Variants in MAF observed in about 807,000 individuals in gnomAD.
MAF encodes MAF bZIP transcription factor, also known as transcription factor Maf.
In MAF, 10 loss-of-function variants were observed where a neutral mutation model predicts 22.0. The observed-to-expected ratio is 0.45, with a 90% CI of 0.28 to 0.77. The LOEUF (loss-of-function observed/expected upper bound fraction) is 0.77. Among genes scored for constraint, MAF ranks in the 30% least tolerant of loss-of-function variants. The pLI, the probability that MAF is intolerant of heterozygous loss-of-function variation, is 0.12. For missense variants in MAF, 544 were observed against 548.4 expected (o/e 0.99, Z 0.08); for synonymous variants, 337 against 255.8 (o/e 1.32, Z -3.03).
chr16:79,593,471 G>A (rs1913304814), downstream of MAF, among the ~76,000 whole-genome samples: 1 of 152,170 alleles, frequency 6.6e-6, no homozygotes, highest in African/African-American at 2.4e-5. Flanking sequence ...TCTAGAATTG[G>A]TGTTGCTAAG....
chr16:79,547,639 G>A, the MAF span, among the ~76,000 whole-genome samples: 10 of 152,106 alleles, frequency 6.6e-5, no homozygotes, highest in East Asian at 1.5e-3. Context: ...TGGAATTGAT[G>A]TAACCCAATT....
chr16:79,386,197 C>T, the MAF span, among the ~76,000 whole-genome samples: 3 of 152,224 alleles, frequency 2.0e-5, no homozygotes, highest in Non-Finnish European at 2.9e-5. Context: ...ATTTATTGTG[C>T]ACTTTATTTC....
the MAF span, among the ~76,000 whole-genome samples, chr16:79,417,387 T>C: frequency 3.9e-5 from 6 of 152,340 alleles, no homozygotes; most frequent in East Asian, 1.2e-3. Context: ...AAAGAACTCC[T>C]GGCAGTATCT....
the MAF span, among the ~76,000 whole-genome samples, chr16:79,395,213 C>T: frequency 1.2e-4 from 18 of 152,240 alleles, no homozygotes; most frequent in African/African-American, 4.3e-4. Context: ...TGAGCCTGTG[C>T]CTGTCAGGGC....
the MAF span, among the ~76,000 whole-genome samples, chr16:79,459,779 G>A: frequency 1.3e-5 from 2 of 152,070 alleles, no homozygotes; most frequent in East Asian, 1.9e-4. Flanking sequence ...GCCCAGGTTG[G>A]TCTTGATCTC....
the MAF span, among the ~76,000 whole-genome samples, chr16:79,449,081 C>G: frequency 6.6e-6 from 1 of 152,286 alleles, no homozygotes; most frequent in African/African-American, 2.4e-5. Flanking sequence ...GATCATCAGG[C>G]ATTAGATCCT....
At chr16:79,597,169 G>A in intron 1 of MAF, 2 of 1,055,356 alleles carry the variant, frequency 1.9e-6, no homozygotes, top group Non-Finnish European at 2.3e-6. Flanking sequence ...CATCACAATA[G>A]TAAACAATTT....
chr16:79,537,525 A>G, the MAF span, among the ~76,000 whole-genome samples: 1 of 152,084 alleles, frequency 6.6e-6, no homozygotes, highest in Non-Finnish European at 1.5e-5. Context: ...TCAAGCCTAG[A>G]CTCATGCCTA....
chr16:79,314,417 T>C, the MAF span, among the ~76,000 whole-genome samples: 34,307 of 151,920 alleles, frequency 0.23, 4,926 homozygotes, highest in East Asian at 0.61. Context: ...GAAGTCTGGG[T>C]CTGCGATGGG....
the MAF span, among the ~76,000 whole-genome samples, chr16:79,226,436 G>A: frequency 6.6e-6 from 1 of 152,036 alleles, no homozygotes; most frequent in African/African-American, 2.4e-5. Flanking sequence ...TAGATGACGG[G>A]TTGATGGGTG....
rs889625856 is a variant in MAF, at chr16:79,597,574, T to C, written c.1118+1211A>G. 1.7e-5 allele frequency: 17 copies of C among 1,022,396 alleles called. No homozygotes were observed. The East Asian group carries it at 1.9e-4, about 12-fold the overall frequency. 63.3% of individuals were successfully genotyped at this position (1,022,396 alleles called of 1,614,324 possible). A position where few individuals can be genotyped will look rare whatever the true frequency, so the allele number is the denominator to read the frequency against. Reference sequence around the variant, plus strand: ...TTTGACAAGGAATGCCTTCAGTGCATTGGGAGGTTGAAGTTCTGAGTAACT... The same window carrying C: ...TTTGACAAGGAATGCCTTCAGTGCACTGGGAGGTTGAAGTTCTGAGTAACT... On this transcript the variant is annotated intron_variant, in intron 1 of 1. Transcript: ENST00000326043.
the MAF span, among the ~76,000 whole-genome samples, chr16:79,514,002 C>G: frequency 4.6e-5 from 7 of 152,142 alleles, no homozygotes; most frequent in Non-Finnish European, 1.0e-4. Flanking sequence ...TTCCCCTCAC[C>G]ACAAAAGAGG....
At chr16:79,302,300 G>A in the MAF span, among the ~76,000 whole-genome samples, 1 of 152,198 alleles carries the variant, frequency 6.6e-6, no homozygotes, top group South Asian at 2.1e-4. Flanking sequence ...CAGGCTGTGG[G>A]CTCTCTAATT....
the MAF span, among the ~76,000 whole-genome samples, chr16:79,376,023 G>C: frequency 3.3e-5 from 5 of 152,060 alleles, no homozygotes; most frequent in East Asian, 7.7e-4. Flanking sequence ...TATGTATCTT[G>C]AGAAACTCAT....
At chr16:79,440,770 G>C in the MAF span, among the ~76,000 whole-genome samples, 1 of 152,196 alleles carries the variant, frequency 6.6e-6, no homozygotes, top group African/African-American at 2.4e-5. Flanking sequence ...ATGGCTTGCT[G>C]TTATTTTTAA....
At chr16:79,378,796 G>C in the MAF span, among the ~76,000 whole-genome samples, 122 of 152,252 alleles carry the variant, frequency 8.0e-4, 5 homozygotes, top group South Asian at 0.025. Context: ...TGGGCATTTA[G>C]ATTACTGTTA....
chr16:79,599,920 CG>C lies in MAF; in HGVS notation c.-19del. On this transcript the variant is annotated 5_prime_UTR_variant, in exon 1 of 2. Coordinates refer to ENST00000326043, the MANE Select transcript of MAF (RefSeq NM_005360.5). ...GATGCCATTCTCCTGCCGCCGCCGC[CG>C]CCGCCGCCGCCGCTCCGCCAGATGG... 1 of 1,580,978 alleles carries C rather than the reference CG, an allele frequency of 6.3e-7. No individual in the cohort carries two copies. The highest frequency in any genetic ancestry group is 1.7e-5 in the Admixed American group (1 of 59,460).
At chr16:79,575,457 C>T in the MAF span, among the ~76,000 whole-genome samples, 1 of 152,192 alleles carries the variant, frequency 6.6e-6, no homozygotes, top group Non-Finnish European at 1.5e-5. Flanking sequence ...TTAGCTACTG[C>T]TGACTGGACA....
At chr16:79,456,447 A>G in the MAF span, among the ~76,000 whole-genome samples, 2 of 152,204 alleles carry the variant, frequency 1.3e-5, no homozygotes, top group Non-Finnish European at 2.9e-5. Context: ...TAACAGGTCC[A>G]AGGAATTAGA....
Sources: gnomAD v4.1 joint callset for allele counts (sites outside exome capture counted in the v4.1 genomes callset) on GRCh38, gnomAD v4.1.1 for gene constraint, MANE v1.5 for transcripts, NCBI Gene and HGNC (gene_info 2026-07-23, HGNC 2026-07-21) for gene names.